Variants in NUDT3 observed in about 807,000 individuals in gnomAD.
The protein encoded by NUDT3 is diphosphoinositol polyphosphate phosphohydrolase 1.
A neutral mutation model predicts 23.6 loss-of-function variants in NUDT3; 9 were observed. The ratio of observed to expected loss-of-function variants is 0.38; its 90% CI spans 0.23 to 0.66. The LOEUF is 0.66. Among genes scored for constraint, NUDT3 ranks in the 30% least tolerant of loss-of-function variants. The probability of loss-of-function intolerance (pLI) is 0.52; values close to 1 mark genes in which losing one functional copy is unlikely to be tolerated. For synonymous variants in NUDT3, 86 were observed against 82.6 expected, an observed-to-expected ratio of 1.04 and a Z score of -0.22; for missense variants, 172 against 218.5, an observed-to-expected ratio of 0.79 and a Z score of 1.34.
intron 1 of NUDT3, among the ~76,000 whole-genome samples, chr6:34,346,511 A>T (rs1764372970): frequency 6.6e-6 from 1 of 152,250 alleles, no homozygotes; most frequent in African/African-American, 2.4e-5. Context: ...CTGACAAAAG[A>T]TAAGCATTCA....
chr6:34,376,502 C>A lies in NUDT3; in HGVS notation c.99+15762G>T, dbSNP rs947904055. Among the ~76,000 whole-genome samples the A allele has an allele frequency of 3.3e-5, 5 of 152,278 alleles. No homozygotes were observed. In the South Asian group the frequency reaches 1.0e-3, roughly 32 times the overall value. On this transcript the variant is annotated intron_variant, in intron 1 of 4. Coordinates refer to ENST00000607016, the MANE Select transcript of NUDT3 (RefSeq NM_006703.4). ...ATGTTACTCAGGTTGGTCTTGAACTCCTGGCCTCAAGTGATTCTCCTGCTT... is the reference window on the plus strand; with the variant it reads ...ATGTTACTCAGGTTGGTCTTGAACTACTGGCCTCAAGTGATTCTCCTGCTT...
intron 1 of NUDT3, among the ~76,000 whole-genome samples, chr6:34,342,752 A>G (rs1457758503): frequency 6.6e-6 from 1 of 152,216 alleles, no homozygotes; most frequent in African/African-American, 2.4e-5. Flanking sequence ...AAACTAAAGG[A>G]ATCTTCAACT....
intron 2 of NUDT3, among the ~76,000 whole-genome samples, chr6:34,315,447 T>C (rs1763843781): frequency 6.6e-6 from 1 of 152,254 alleles, no homozygotes; most frequent in East Asian, 1.9e-4. Context: ...ACCTTTCTTA[T>C]TCTCAATCTG....
intron 1 of NUDT3, among the ~76,000 whole-genome samples, chr6:34,351,705 C>T (rs1404909292): frequency 7.7e-6 from 1 of 129,448 alleles, no homozygotes; most frequent in Non-Finnish European, 1.6e-5. Flanking sequence ...CGCACCATTG[C>T]ATTCCAGCCT....
intron 1 of NUDT3, among the ~76,000 whole-genome samples, chr6:34,381,549 T>C (rs1172382586): frequency 6.6e-6 from 1 of 152,120 alleles, no homozygotes; most frequent in Non-Finnish European, 1.5e-5. Context: ...AATTATTATA[T>C]ACAGAAATTC....
intron 1 of NUDT3, among the ~76,000 whole-genome samples, chr6:34,358,347 C>T (rs1232930695): frequency 6.6e-6 from 1 of 151,554 alleles, no homozygotes; most frequent in African/African-American, 2.4e-5. Context: ...TTACAATAAT[C>T]GACAGGATGT....
At chr6:34,379,484 T>G (rs1209008605) in intron 1 of NUDT3, among the ~76,000 whole-genome samples, 2 of 151,720 alleles carry the variant, frequency 1.3e-5, no homozygotes, top group Non-Finnish European at 2.9e-5. Context: ...CGCTTGAACC[T>G]GGGAGGCAGA....
chr6:34,297,414 A>G (rs968905525), intron 2 of NUDT3, among the ~76,000 whole-genome samples: 2 of 151,960 alleles, frequency 1.3e-5, no homozygotes, highest in Non-Finnish European at 2.9e-5. Flanking sequence ...CTCTGATCCC[A>G]GGCAGCCTGA....
At position 34,299,384 on chromosome 6, in the gene NUDT3, T is replaced by C. The variant is rs1763562836; in HGVS notation, c.211-3699A>G. ...TAGAGATAATTCTTTCACCCTTTTC[T>C]AGTACTTTAGGCCTGGTTAACAAAA... On this transcript the variant is annotated intron_variant, in intron 2 of 4. Coordinates refer to ENST00000607016, the MANE Select transcript of NUDT3 (RefSeq NM_006703.4). 2.0e-5 allele frequency among the ~76,000 whole-genome samples: 3 copies of C among 152,154 alleles called. No individual in the cohort carries two copies. In the South Asian group the frequency reaches 6.2e-4, roughly 31 times the overall value.
intron 1 of NUDT3, among the ~76,000 whole-genome samples, chr6:34,378,547 T>A (rs891789770): frequency 6.6e-6 from 1 of 152,204 alleles, no homozygotes; most frequent in Admixed American, 6.5e-5. Flanking sequence ...GCTCAGAATA[T>A]TGGAGTGGCA....
chr6:34,385,472 CTTG>C (rs1326283696), intron 1 of NUDT3, among the ~76,000 whole-genome samples: 1 of 152,044 alleles, frequency 6.6e-6, no homozygotes, highest in Non-Finnish European at 1.5e-5. Flanking sequence ...GGGCCAAGAT[CTTG>C]TTTTGTTTTG....
chr6:34,333,825 C>T lies in NUDT3; in HGVS notation c.210+8037G>A, dbSNP rs1000858225. Among the ~76,000 whole-genome samples, 3 of 152,226 alleles carry T rather than the reference C, an allele frequency of 2.0e-5. No homozygotes were observed. In the East Asian group the frequency reaches 5.8e-4, roughly 29 times the overall value. The stretch of plus-strand genomic sequence containing the variant: ...AAATAGCCAGAAGCTGATGATGTGA[C>T]CTGGCAGCTCTGCCCAAAGGGGCAT... On this transcript the variant is annotated intron_variant, in intron 2 of 4. Transcript: ENST00000607016.
At chr6:34,305,701 G>C (rs1029831161) in intron 2 of NUDT3, among the ~76,000 whole-genome samples, 1 of 152,108 alleles carries the variant, frequency 6.6e-6, no homozygotes, top group Non-Finnish European at 1.5e-5. Flanking sequence ...GCTGTATCCC[G>C]TAAGTCATGA....
chr6:34,347,896 G>A lies in NUDT3; in HGVS notation c.100-5924C>T, dbSNP rs137857442. 4.8e-3 allele frequency among the ~76,000 whole-genome samples: 729 copies of A among 152,046 alleles called. 5 individuals carry two copies. The highest frequency in any genetic ancestry group is 0.017 in the African/African-American group (693 of 41,446). On this transcript the variant is annotated intron_variant, in intron 1 of 4. Transcript: ENST00000607016. ...GTAAACCCAGTAGTCCTAGTTACTTGGGAGGCTGAGGTAGGAGGTGCACTT... is the reference window on the plus strand; with the variant it reads ...GTAAACCCAGTAGTCCTAGTTACTTAGGAGGCTGAGGTAGGAGGTGCACTT...
Position 34,286,273 on chromosome 6 carries a change from G to C in NUDT3, c.*2480C>G, listed in dbSNP as rs41269034. ...ATTTTTGTATTTTAGTAGAGATGGGGTTTTGCCATGTTGGTCAGGCTGGTC... is the reference window on the plus strand; with the variant it reads ...ATTTTTGTATTTTAGTAGAGATGGGCTTTTGCCATGTTGGTCAGGCTGGTC... On this transcript the variant is annotated 3_prime_UTR_variant, in exon 5 of 5. Transcript: ENST00000607016. The C allele has an allele frequency of 0.095, 14,494 of 152,054 alleles. 779 individuals are homozygous for C. The highest frequency in any genetic ancestry group is 0.12 in the Non-Finnish European group (8,161 of 67,994). The allele number at this position is 152,054 out of a possible 1,614,324, so 9.4% of individuals were successfully genotyped here.
chr6:34,344,428 A>C (rs1378734928), intron 1 of NUDT3, among the ~76,000 whole-genome samples: 1 of 152,366 alleles, frequency 6.6e-6, no homozygotes, highest in South Asian at 2.1e-4. Flanking sequence ...AAGGGAAGGA[A>C]GCCAGGCACA....
At chr6:34,348,506 G>A (rs1258328883) in intron 1 of NUDT3, among the ~76,000 whole-genome samples, 1 of 151,392 alleles carries the variant, frequency 6.6e-6, no homozygotes, top group Non-Finnish European at 1.5e-5. Flanking sequence ...GGCTGGGAGC[G>A]GTGGCTCACA....
chr6:34,326,784 A>T (rs1764038315), intron 2 of NUDT3, among the ~76,000 whole-genome samples: 1 of 152,038 alleles, frequency 6.6e-6, no homozygotes, highest in Admixed American at 6.6e-5. Context: ...TGTTTTTAGT[A>T]GAGACAGGGT....
intron 2 of NUDT3, among the ~76,000 whole-genome samples, chr6:34,310,804 T>TA (rs927449819): frequency 2.6e-5 from 4 of 152,172 alleles, no homozygotes; most frequent in Non-Finnish European, 5.9e-5. Flanking sequence ...TAATTACACC[T>TA]AAAACCAAGT....
Sources: allele counts gnomAD v4.1 joint callset (sites outside exome capture counted in the v4.1 genomes callset), GRCh38; gene constraint gnomAD v4.1.1; transcripts MANE v1.5; gene names NCBI Gene and HGNC (gene_info 2026-07-23, HGNC 2026-07-21).